Variants in EYS observed in about 807,000 individuals in gnomAD.
The protein encoded by EYS is EGF-like photoreceptor maintenance factor, also known as protein eyes shut homolog.
A neutral mutation model predicts 282.1 loss-of-function variants in EYS; 250 were observed. The ratio of observed to expected loss-of-function variants is 0.89; its 90% CI spans 0.80 to 0.98. The LOEUF is 0.98. EYS is among the 50% of genes least tolerant of loss of function. The pLI is 0.00. For missense variants in EYS, 4,016 were observed against 3,709.0 expected (o/e 1.08, Z -2.15); for synonymous variants, 1,355 against 1,282.9 (o/e 1.06, Z -1.20).
intron 34 of EYS, among the ~76,000 whole-genome samples, chr6:63,998,435 A>C (rs1253546534): frequency 6.6e-6 from 1 of 152,180 alleles, no homozygotes; most frequent in African/African-American, 2.4e-5. Flanking sequence ...GGCTGCTTTA[A>C]TGTCTACTAA....
chr6:64,170,026 T>C (rs538408494), intron 31 of EYS, among the ~76,000 whole-genome samples: 6 of 152,120 alleles, frequency 3.9e-5, no homozygotes, highest in Non-Finnish European at 7.4e-5. Context: ...TGGGTTGTCT[T>C]TGAAGTATGG....
chr6:65,316,069 C>T (rs1373190351), intron 11 of EYS, among the ~76,000 whole-genome samples: 2 of 152,112 alleles, frequency 1.3e-5, no homozygotes, highest in African/African-American at 4.8e-5. Flanking sequence ...GTATTTCCTT[C>T]TTTTTTCTAT....
chr6:64,725,907 C>A (rs191583167), intron 22 of EYS, among the ~76,000 whole-genome samples: 107 of 152,240 alleles, frequency 7.0e-4, no homozygotes, highest in Admixed American at 4.0e-3. Context: ...ATTGCTGATA[C>A]ATTTAGGTGG....
At chr6:65,697,381 C>A (rs1188383446) in intron 1 of EYS, among the ~76,000 whole-genome samples, 1 of 152,060 alleles carries the variant, frequency 6.6e-6, no homozygotes, top group African/African-American at 2.4e-5. Flanking sequence ...ACAATGTCCA[C>A]ATGATCATCA....
Position 63,777,997 on chromosome 6 carries a change from CATA to C in EYS, c.7898+6_7898+8del. ...CTGCTACTTTCATTCCTAATAACGT[CATA>C]CTTACTAAACACTAGTTCCACTCTC... On this transcript the variant is annotated splice_donor_region_variant and intron_variant, in intron 40 of 42. Coordinates refer to ENST00000503581, the MANE Select transcript of EYS (RefSeq NM_001142800.2). 1 of 1,551,246 alleles carries C rather than the reference CATA, an allele frequency of 6.4e-7. No homozygotes were observed. Among genetic ancestry groups the C allele is most frequent in the Non-Finnish European group, 8.7e-7 (1 of 1,146,612 alleles).
At position 64,897,892 on chromosome 6, in the gene EYS, G is replaced by A. The variant is rs562028258; in HGVS notation, c.2846+4221C>T. Among the ~76,000 whole-genome samples, 5 of 152,262 alleles carry A rather than the reference G, an allele frequency of 3.3e-5. No individual in the cohort carries two copies. In the South Asian group the frequency reaches 1.0e-3, roughly 32 times the overall value. On this transcript the variant is annotated intron_variant, in intron 18 of 42. Transcript: ENST00000503581. The stretch of plus-strand genomic sequence containing the variant: ...TCAACTTAGTGAAATAAAGCAAGAA[G>A]ACAAGATTAGAGAAAAAAGAATGAA...
chr6:64,316,860 A>G (rs900215138), intron 29 of EYS, among the ~76,000 whole-genome samples: 1 of 152,162 alleles, frequency 6.6e-6, no homozygotes, highest in Non-Finnish European at 1.5e-5. Context: ...TGGTCCCAAA[A>G]CAGATATATA....
At chr6:65,260,924 C>T (rs566262029) in intron 12 of EYS, among the ~76,000 whole-genome samples, 1 of 152,138 alleles carries the variant, frequency 6.6e-6, no homozygotes, top group East Asian at 1.9e-4. Context: ...CTCTATTAAT[C>T]CATTTTCCAA....
intron 36 of EYS, among the ~76,000 whole-genome samples, chr6:63,861,506 G>T (rs562458629): frequency 6.6e-6 from 1 of 152,140 alleles, no homozygotes; most frequent in Non-Finnish European, 1.5e-5. Flanking sequence ...GTTTCCTAAG[G>T]CATCTGGAAA....
intron 26 of EYS, among the ~76,000 whole-genome samples, chr6:64,528,473 T>C (rs1421516208): frequency 6.6e-6 from 1 of 151,946 alleles, no homozygotes; most frequent in African/African-American, 2.4e-5. Context: ...GTCCAGATGT[T>C]CCACGTGGAT....
chr6:64,732,240 C>T (rs1362185542), intron 22 of EYS, among the ~76,000 whole-genome samples: 5 of 151,706 alleles, frequency 3.3e-5, no homozygotes, highest in South Asian at 2.1e-4. Flanking sequence ...AGCAAACCAC[C>T]GTGGCACGTG....
chr6:64,239,600 GT>G (rs143565376), intron 30 of EYS, among the ~76,000 whole-genome samples: 53,047 of 144,922 alleles, frequency 0.37, 9,571 homozygotes, highest in East Asian at 0.54. Flanking sequence ...TGATGGGGTT[GT>G]TTTTTTTTTT....
chr6:64,423,382 A>G (rs1774297465), intron 28 of EYS, among the ~76,000 whole-genome samples: 1 of 152,224 alleles, frequency 6.6e-6, no homozygotes. Flanking sequence ...AGCCAGCTAA[A>G]CATTTTAACT....
At chr6:64,986,379 T>G (rs961328490) in intron 14 of EYS, among the ~76,000 whole-genome samples, 32 of 151,488 alleles carry the variant, frequency 2.1e-4, no homozygotes, top group African/African-American at 7.0e-4. Context: ...TAAATATCAC[T>G]CACAGAAAGG....
intron 21 of EYS, chr6:64,815,149 C>T: frequency 2.5e-6 from 1 of 406,932 alleles, no homozygotes; most frequent in Non-Finnish European, 4.9e-6. Flanking sequence ...TCTTGTACAC[C>T]CCCACCCCCT....
At chr6:64,569,368 T>C (rs1765650527) in intron 26 of EYS, among the ~76,000 whole-genome samples, 1 of 151,694 alleles carries the variant, frequency 6.6e-6, no homozygotes. Flanking sequence ...AATAGCTGAA[T>C]CAATCAAGCA....
At chr6:64,733,474 T>C (rs1272057963) in intron 22 of EYS, 3 of 191,344 alleles carry the variant, frequency 1.6e-5, no homozygotes, top group Non-Finnish European at 3.4e-5. Flanking sequence ...CTGACAGTGG[T>C]TGAAGTCTTC....
intron 22 of EYS, among the ~76,000 whole-genome samples, chr6:64,775,223 C>T (rs1439985593): frequency 6.6e-6 from 1 of 151,956 alleles, no homozygotes; most frequent in Non-Finnish European, 1.5e-5. Context: ...TGCATTGCCA[C>T]CTTGAGTAAC....
intron 2 of EYS, among the ~76,000 whole-genome samples, chr6:65,517,344 A>AT (rs1767178982): frequency 3.3e-5 from 5 of 149,512 alleles, no homozygotes; most frequent in African/African-American, 1.2e-4. Context: ...ACAACAACAA[A>AT]AAAAAAACAA....
Sources: gnomAD v4.1 joint callset for allele counts (sites outside exome capture counted in the v4.1 genomes callset) on GRCh38, gnomAD v4.1.1 for gene constraint, MANE v1.5 for transcripts, NCBI Gene and HGNC (gene_info 2026-07-23, HGNC 2026-07-21) for gene names.